Variants in SEM1 observed in about 807,000 individuals in gnomAD.
SEM1 encodes the protein 26S proteasome complex subunit SEM1.
In SEM1, 3 loss-of-function variants were observed where a neutral mutation model predicts 12.7. That is an observed-to-expected ratio of 0.24 (90% CI 0.11 to 0.61). The LOEUF (loss-of-function observed/expected upper bound fraction) is 0.61, where lower values mean the gene tolerates loss of function less well. Ranked by LOEUF, SEM1 falls within the 20% of genes least tolerant of loss-of-function variation. SEM1 has a pLI of 0.88. For missense variants in SEM1, 59 were observed against 81.3 expected (o/e 0.73, Z 1.06); for synonymous variants, 30 against 27.8 (o/e 1.08, Z -0.25).
At chr7:96,536,894 T>A (rs1484738442) in intron 2 of SEM1, among the ~76,000 whole-genome samples, 5 of 151,770 alleles carry the variant, frequency 3.3e-5, no homozygotes, top group Non-Finnish European at 7.4e-5. Context: ...CTAAGTGTAT[T>A]TAAACCAGTC....
chr7:96,540,003 G>T (rs1014863847), intron 2 of SEM1, among the ~76,000 whole-genome samples: 4 of 149,834 alleles, frequency 2.7e-5, no homozygotes, highest in Admixed American at 2.0e-4. Flanking sequence ...AATATAATAA[G>T]AATTATAAAA....
chr7:96,694,902 A>T lies in SEM1; in HGVS notation c.77-11T>A. Reference sequence around the variant, plus strand: ...CTAAGCCAGCCCAGTCTAAAAATAGAAACAGATGCTGTCTAAATATTTCTC... The same window carrying T: ...CTAAGCCAGCCCAGTCTAAAAATAGTAACAGATGCTGTCTAAATATTTCTC... On this transcript the variant is annotated splice_polypyrimidine_tract_variant and intron_variant, in intron 1 of 2. Coordinates refer to ENST00000248566, the MANE Select transcript of SEM1 (RefSeq NM_006304.2). The T allele has an allele frequency of 1.3e-6, 2 of 1,567,676 alleles. No individual in the cohort carries two copies. The highest frequency in any genetic ancestry group is 1.8e-6 in the Non-Finnish European group (2 of 1,139,714).
intron 1 of SEM1, among the ~76,000 whole-genome samples, chr7:96,703,154 A>G (rs1054961461): frequency 2.6e-5 from 4 of 152,208 alleles, no homozygotes; most frequent in African/African-American, 9.6e-5. Context: ...TTGAATTTTG[A>G]AATACTTGCA....
At chr7:96,675,978 T>A (rs1008058575) in intron 2 of SEM1, among the ~76,000 whole-genome samples, 1 of 152,246 alleles carries the variant, frequency 6.6e-6, no homozygotes, top group African/African-American at 2.4e-5. Flanking sequence ...GGTTGGATTC[T>A]GTTGCAGGCA....
chr7:96,707,678 T>C (rs1261285538), intron 1 of SEM1, among the ~76,000 whole-genome samples: 1 of 152,206 alleles, frequency 6.6e-6, no homozygotes. Flanking sequence ...ACTATATAAC[T>C]ACTGACACTT....
chr7:96,681,366 A>G (rs1380241456), intron 2 of SEM1, among the ~76,000 whole-genome samples: 2 of 152,092 alleles, frequency 1.3e-5, no homozygotes, highest in Non-Finnish European at 2.9e-5. Flanking sequence ...TGGCTAGGTA[A>G]TAATTGCAGT....
At chr7:96,602,563 C>A (rs904831493) in intron 2 of SEM1, among the ~76,000 whole-genome samples, 2 of 152,168 alleles carry the variant, frequency 1.3e-5, no homozygotes, top group Non-Finnish European at 2.9e-5. Context: ...TATGCCCATG[C>A]ATATAGATAT....
chr7:96,491,538 G>A (rs1464435051), intron 1 of SEM1, among the ~76,000 whole-genome samples: 1 of 152,198 alleles, frequency 6.6e-6, no homozygotes, highest in Non-Finnish European at 1.5e-5. Flanking sequence ...ACCAAACACA[G>A]TCAAGTGTAT....
At chr7:96,635,106 G>T (rs1808390694) in intron 2 of SEM1, among the ~76,000 whole-genome samples, 1 of 151,994 alleles carries the variant, frequency 6.6e-6, no homozygotes, top group Non-Finnish European at 1.5e-5. Context: ...GAATTAATTT[G>T]GGATATGTTT....
chr7:96,495,375 G>C (rs1803200254), intron 1 of SEM1, among the ~76,000 whole-genome samples: 1 of 152,032 alleles, frequency 6.6e-6, no homozygotes, highest in Admixed American at 6.6e-5. Context: ...AGCTCTCAGG[G>C]CCTTTACTTT....
chr7:96,590,354 T>C (rs1806790878), intron 2 of SEM1, among the ~76,000 whole-genome samples: 1 of 152,174 alleles, frequency 6.6e-6, no homozygotes, highest in Non-Finnish European at 1.5e-5. Flanking sequence ...GCTAGGCATG[T>C]TGTATTTTTA....
chr7:96,634,588 TAA>T (rs1340306121), intron 2 of SEM1, among the ~76,000 whole-genome samples: 1 of 148,244 alleles, frequency 6.7e-6, no homozygotes, highest in African/African-American at 2.4e-5. Flanking sequence ...ATATTATATA[TAA>T]GATATGTATA....
At chr7:96,523,206 A>C (rs535527870) in intron 2 of SEM1, among the ~76,000 whole-genome samples, 1 of 152,310 alleles carries the variant, frequency 6.6e-6, no homozygotes, top group African/African-American at 2.4e-5. Flanking sequence ...TTTGCTTGCA[A>C]GAATCTCAAC....
At chr7:96,627,127 C>T (rs1039892365) in intron 2 of SEM1, among the ~76,000 whole-genome samples, 4 of 152,016 alleles carry the variant, frequency 2.6e-5, no homozygotes, top group Non-Finnish European at 5.9e-5. Context: ...TCTTCATCTG[C>T]AATTTTATTT....
At chr7:96,647,867 C>G (rs968279326) in intron 2 of SEM1, among the ~76,000 whole-genome samples, 2 of 152,196 alleles carry the variant, frequency 1.3e-5, no homozygotes, top group East Asian at 3.8e-4. Context: ...CTATTTAGCA[C>G]TTTGTAAAAC....
chr7:96,515,929 G>T (rs909860927), intron 2 of SEM1, among the ~76,000 whole-genome samples: 13 of 152,032 alleles, frequency 8.6e-5, no homozygotes, highest in African/African-American at 3.1e-4. Flanking sequence ...TAATGTAAAT[G>T]ATGAGTTGAT....
chr7:96,497,983 A>G (rs952784958), upstream of SEM1, among the ~76,000 whole-genome samples: 6 of 152,208 alleles, frequency 3.9e-5, no homozygotes, highest in African/African-American at 1.4e-4. Flanking sequence ...TTAGAGATGA[A>G]AAATACAACA....
chr7:96,490,525 A>G (rs1802964123), intron 1 of SEM1, among the ~76,000 whole-genome samples: 1 of 152,174 alleles, frequency 6.6e-6, no homozygotes. Flanking sequence ...TAGAGTTTTA[A>G]GTTTTGTACA....
intron 2 of SEM1, among the ~76,000 whole-genome samples, chr7:96,661,222 T>C (rs1021294119): frequency 6.6e-6 from 1 of 152,162 alleles, no homozygotes; most frequent in Non-Finnish European, 1.5e-5. Context: ...CACTATCCTT[T>C]GCTACTTCTC....
Sources: allele counts gnomAD v4.1 joint callset (sites outside exome capture counted in the v4.1 genomes callset), GRCh38; gene constraint gnomAD v4.1.1; transcripts MANE v1.5; gene names NCBI Gene and HGNC (gene_info 2026-07-23, HGNC 2026-07-21).